The following CCND3 variants were observed in gnomAD, a reference collection of about 807,000 sequenced individuals.
The protein encoded by CCND3 is cyclin D3.
Under a neutral mutation model 28.7 loss-of-function variants are expected in CCND3, and 9 were observed. That is an observed-to-expected ratio of 0.31 (90% CI 0.19 to 0.55). The LOEUF (loss-of-function observed/expected upper bound fraction) is 0.55, where lower values mean the gene tolerates loss of function less well. Ranked by LOEUF, CCND3 falls within the 20% of genes least tolerant of loss-of-function variation. The pLI, the probability that CCND3 is intolerant of heterozygous loss-of-function variation, is 0.93. For synonymous variants in CCND3, 164 were observed against 163.9 expected (o/e 1.00, Z 0.00); for missense variants, 315 against 385.8 (o/e 0.82, Z 1.54).
intron 1 of CCND3, among the ~76,000 whole-genome samples, chr6:42,001,532 G>A (rs1385662689): frequency 6.6e-6 from 1 of 152,156 alleles, no homozygotes; most frequent in Non-Finnish European, 1.5e-5. Context: ...TTCTATACAT[G>A]TATAGTCTTA....
chr6:41,992,386 C>T (rs2127416761), intron 1 of CCND3, among the ~76,000 whole-genome samples: 1 of 151,760 alleles, frequency 6.6e-6, no homozygotes, highest in African/African-American at 2.4e-5. Context: ...TGGTCTCAAA[C>T]CCCTGACCTC....
chr6:41,950,654 C>T (rs1054746874), intron 1 of CCND3, among the ~76,000 whole-genome samples: 5 of 151,708 alleles, frequency 3.3e-5, no homozygotes, highest in African/African-American at 7.3e-5. Flanking sequence ...GGCAGGCCTT[C>T]GGAAGCCCTG....
At chr6:42,010,815 G>A (rs1179545742) in intron 1 of CCND3, 2 of 152,152 alleles carry the variant, frequency 1.3e-5, no homozygotes, top group African/African-American at 2.4e-5. Context: ...AGGAGGTTCC[G>A]GGTGGTTAAG....
intron 1 of CCND3, among the ~76,000 whole-genome samples, chr6:42,039,158 A>G (rs2127440178): frequency 6.6e-6 from 1 of 152,356 alleles, no homozygotes; most frequent in African/African-American, 2.4e-5. Context: ...GAGGAATCTT[A>G]GAAATGGAAG....
chr6:42,049,479 G>C (rs545633001), upstream of CCND3, among the ~76,000 whole-genome samples: 1 of 152,348 alleles, frequency 6.6e-6, no homozygotes, highest in East Asian at 1.9e-4. Context: ...TAGCTGGCTA[G>C]TGTTAGGATC....
At chr6:42,014,134 G>A (rs1401314913) in intron 1 of CCND3, among the ~76,000 whole-genome samples, 1 of 151,752 alleles carries the variant, frequency 6.6e-6, no homozygotes, top group East Asian at 2.0e-4. Flanking sequence ...GGGAGGCCAA[G>A]GCGGGTGGAT....
chr6:42,045,063 C>T (rs1021352397), intron 1 of CCND3, among the ~76,000 whole-genome samples: 3 of 151,678 alleles, frequency 2.0e-5, no homozygotes, highest in Non-Finnish European at 2.9e-5. Context: ...CTTGGCCTCC[C>T]AAAGTGCTGG....
At chr6:41,994,135 T>C (rs1762731589) in intron 1 of CCND3, among the ~76,000 whole-genome samples, 1 of 150,566 alleles carries the variant, frequency 6.6e-6, no homozygotes, top group South Asian at 2.1e-4. Flanking sequence ...GGTTATAATA[T>C]CTTATTGTTA....
At chr6:42,028,552 G>T (rs1763949331) in intron 1 of CCND3, among the ~76,000 whole-genome samples, 1 of 152,200 alleles carries the variant, frequency 6.6e-6, no homozygotes, top group African/African-American at 2.4e-5. Flanking sequence ...TCATGATATG[G>T]CAGAAGGTGG....
intron 1 of CCND3, among the ~76,000 whole-genome samples, chr6:41,959,181 G>A (rs1419318649): frequency 3.3e-5 from 5 of 152,182 alleles, no homozygotes; most frequent in African/African-American, 1.2e-4. Flanking sequence ...GGGAGTGATA[G>A]CGCATACCTG....
At chr6:42,040,573 G>T (rs995495407) in intron 1 of CCND3, among the ~76,000 whole-genome samples, 4 of 151,212 alleles carry the variant, frequency 2.6e-5, no homozygotes, top group African/African-American at 9.7e-5. Context: ...AAAAACCTCG[G>T]CCAGGCACAG....
At chr6:42,047,799 A>G (rs1432013520) in intron 1 of CCND3, among the ~76,000 whole-genome samples, 1 of 152,136 alleles carries the variant, frequency 6.6e-6, no homozygotes, top group Non-Finnish European at 1.5e-5. Flanking sequence ...TATGCTTTTC[A>G]TCCTTCTGAA....
intron 1 of CCND3, among the ~76,000 whole-genome samples, chr6:41,972,419 A>G (rs1399101188): frequency 1.3e-5 from 2 of 152,012 alleles, no homozygotes; most frequent in African/African-American, 4.8e-5. Context: ...GAAGGCTGCA[A>G]AGAATATGTG....
rs1050933003 is a variant in CCND3, at chr6:41,934,958, T to G, written c.*982A>C. ...TCCAAGAAGCCAAAGCCAGTTTTAT[T>G]TCACAATCATCTTTATTACAGTAGG... is the stretch of plus-strand genomic sequence containing the variant. On this transcript the variant is annotated 3_prime_UTR_variant, in exon 5 of 5. Coordinates refer to ENST00000372991, the MANE Select transcript of CCND3 (RefSeq NM_001760.5). 5.2e-5 allele frequency: 12 copies of G among 229,054 alleles called. No homozygotes were observed. Among genetic ancestry groups the G allele is most frequent in the Non-Finnish European group, 8.7e-5 (10 of 115,452 alleles). 14.2% of individuals were successfully genotyped at this position (229,054 alleles called of 1,614,324 possible).
At chr6:41,963,110 T>C (rs950595445) in intron 1 of CCND3, among the ~76,000 whole-genome samples, 1 of 152,232 alleles carries the variant, frequency 6.6e-6, no homozygotes, top group African/African-American at 2.4e-5. Context: ...CAGCCTTATC[T>C]TTGCTTCCCC....
chr6:41,969,091 C>T (rs996232128), intron 1 of CCND3, among the ~76,000 whole-genome samples: 1 of 152,000 alleles, frequency 6.6e-6, no homozygotes, highest in Admixed American at 6.6e-5. Context: ...CCACCATGCC[C>T]GGCCTCTGTA....
At chr6:41,964,463 A>AAC (rs370504613) in intron 1 of CCND3, among the ~76,000 whole-genome samples, 1 of 146,112 alleles carries the variant, frequency 6.8e-6, no homozygotes, top group African/African-American at 2.7e-5. Flanking sequence ...TCTGTGTGTG[A>AAC]GTGTGTGTGT....
At chr6:41,992,267 A>T (rs7744080) in intron 1 of CCND3, among the ~76,000 whole-genome samples, 98,263 of 151,606 alleles carry the variant, frequency 0.65, 31,885 homozygotes, top group Admixed American at 0.69. Flanking sequence ...GGTTCAAGAG[A>T]TTCTCATGCC....
intron 1 of CCND3, among the ~76,000 whole-genome samples, chr6:42,022,537 A>G (rs1445945433): frequency 6.6e-6 from 1 of 152,248 alleles, no homozygotes; most frequent in Non-Finnish European, 1.5e-5. Flanking sequence ...AGGCACATCC[A>G]CAAAGAGAAA....
Sources: allele counts gnomAD v4.1 joint callset (sites outside exome capture counted in the v4.1 genomes callset), GRCh38; gene constraint gnomAD v4.1.1; transcripts MANE v1.5; gene names NCBI Gene and HGNC (gene_info 2026-07-23, HGNC 2026-07-21).